Variants in MAPK4 observed in about 807,000 individuals in gnomAD.
MAPK4 encodes the protein Erk3-related.
A neutral mutation model predicts 47.7 loss-of-function variants in MAPK4; 22 were observed. The observed-to-expected ratio is 0.46, with a 90% CI of 0.33 to 0.66. The LOEUF (loss-of-function observed/expected upper bound fraction) is 0.66, where lower values mean the gene tolerates loss of function less well. Ranked by LOEUF, MAPK4 falls within the 30% of genes least tolerant of loss-of-function variation. The pLI, the probability that MAPK4 is intolerant of heterozygous loss-of-function variation, is 0.02. For missense variants in MAPK4, 736 were observed against 831.7 expected, an observed-to-expected ratio of 0.88 and a Z score of 1.42; for synonymous variants, 390 against 365.7, an observed-to-expected ratio of 1.07 and a Z score of -0.76.
chr18:50,628,432 G>A (rs1192957709), intron 1 of MAPK4, among the ~76,000 whole-genome samples: 1 of 152,158 alleles, frequency 6.6e-6, no homozygotes, highest in Non-Finnish European at 1.5e-5. Context: ...AGTTTCCATG[G>A]GACTTGCTAG....
intron 2 of MAPK4, among the ~76,000 whole-genome samples, chr18:50,694,917 A>G (rs900417453): frequency 6.6e-5 from 10 of 152,208 alleles, no homozygotes; most frequent in African/African-American, 2.4e-4. Flanking sequence ...GGGAAATTAT[A>G]TTATTACTTC....
At chr18:50,577,799 A>G (rs1207401881) in intron 1 of MAPK4, among the ~76,000 whole-genome samples, 1 of 152,220 alleles carries the variant, frequency 6.6e-6, no homozygotes, top group African/African-American at 2.4e-5. Context: ...CACAGCCTTC[A>G]TTGTGGCTAC....
intron 2 of MAPK4, among the ~76,000 whole-genome samples, chr18:50,672,402 A>C (rs183896190): frequency 6.6e-6 from 1 of 152,282 alleles, no homozygotes; most frequent in Admixed American, 6.5e-5. Context: ...CCTTTTTTAA[A>C]GGGAAAAATA....
At chr18:50,618,605 T>G (rs1568047534) in intron 1 of MAPK4, among the ~76,000 whole-genome samples, 1 of 152,234 alleles carries the variant, frequency 6.6e-6, no homozygotes, top group Non-Finnish European at 1.5e-5. Flanking sequence ...ATCTTTTATT[T>G]GTCTTTACTA....
At chr18:50,583,188 TGA>T (rs1598796048) in intron 1 of MAPK4, among the ~76,000 whole-genome samples, 3 of 152,148 alleles carry the variant, frequency 2.0e-5, no homozygotes, top group African/African-American at 7.2e-5. Context: ...TCTGTGAGGC[TGA>T]GTTTGGGGGT....
At chr18:50,648,937 G>A (rs1288517091) in intron 1 of MAPK4, among the ~76,000 whole-genome samples, 2 of 152,220 alleles carry the variant, frequency 1.3e-5, no homozygotes, top group Non-Finnish European at 2.9e-5. Context: ...GAGCCTGGAT[G>A]AGGGTAGACT....
intron 1 of MAPK4, among the ~76,000 whole-genome samples, chr18:50,630,624 G>T (rs1405443977): frequency 6.6e-6 from 1 of 152,250 alleles, no homozygotes; most frequent in African/African-American, 2.4e-5. Context: ...ATCCTTCAAG[G>T]TCCTAACTAA....
intron 2 of MAPK4, among the ~76,000 whole-genome samples, chr18:50,685,652 A>G (rs980057180): frequency 6.6e-6 from 1 of 152,138 alleles, no homozygotes; most frequent in African/African-American, 2.4e-5. Context: ...GGAGACCAAG[A>G]CCCCAAATTC....
chr18:50,609,250 G>A (rs2042609976), intron 1 of MAPK4, among the ~76,000 whole-genome samples: 2 of 151,820 alleles, frequency 1.3e-5, no homozygotes, highest in Admixed American at 1.3e-4. Context: ...TCCCACACGG[G>A]GTGGCGGCCG....
rs928978020 is a variant in MAPK4 at position 50,651,894 on chromosome 18, G to C, written c.-870-11195G>C. Among the ~76,000 whole-genome samples, 13 of 152,320 alleles carry C rather than the reference G, an allele frequency of 8.5e-5. No individual in the cohort carries two copies. The South Asian group carries it at 2.7e-3, about 32-fold the overall frequency. On this transcript the variant is annotated intron_variant, in intron 1 of 5. Coordinates refer to ENST00000400384, the MANE Select transcript of MAPK4 (RefSeq NM_002747.4). ...TGGTTTCACCTCTTCCCGTGTGAAG[G>C]CCACCCTACTATTGGAGGTGTGTTG...
rs1911398549 is a variant in MAPK4, at chr18:50,729,361, ACGGGCGCTCCTG to A, written c.1274_1285del (p.Gly425_Cys428del). 1 of 1,578,732 alleles carries A rather than the reference ACGGGCGCTCCTG, an allele frequency of 6.3e-7. No individual in the cohort carries two copies. ...ATGGAGCGCGCCTTCGAGGCCGACT[ACGGGCGCTCCTG>A]CGACTACAAGGTGGGGTCGCCGTCC... On this transcript the variant is annotated inframe_deletion, in exon 6 of 6. Coordinates refer to ENST00000400384, the MANE Select transcript of MAPK4 (RefSeq NM_002747.4).
At chr18:50,596,388 G>A (rs73959979) in intron 1 of MAPK4, among the ~76,000 whole-genome samples, 35,323 of 151,964 alleles carry the variant, frequency 0.23, 4,071 homozygotes, top group South Asian at 0.31. Context: ...TCTGTCTCTG[G>A]TTAATCCTCT....
intron 1 of MAPK4, among the ~76,000 whole-genome samples, chr18:50,650,935 C>T (rs2043042181): frequency 6.6e-6 from 1 of 152,198 alleles, no homozygotes; most frequent in South Asian, 2.1e-4. Flanking sequence ...ACGTAGGATG[C>T]CCTGTAAGGT....
chr18:50,696,796 C>A (rs1256769067), intron 2 of MAPK4, among the ~76,000 whole-genome samples: 1 of 152,220 alleles, frequency 6.6e-6, no homozygotes, highest in African/African-American at 2.4e-5. Context: ...GCAGCACACA[C>A]CAACACCAGC....
Position 50,594,972 on chromosome 18 carries a change from A to G in MAPK4, c.-871+34729A>G, listed in dbSNP as rs1015296743. 3.3e-5 allele frequency among the ~76,000 whole-genome samples: 5 copies of G among 152,258 alleles called. No homozygotes were observed. The South Asian group carries it at 8.3e-4, about 25-fold the overall frequency. On this transcript the variant is annotated intron_variant, in intron 1 of 5. Coordinates refer to ENST00000400384, the MANE Select transcript of MAPK4 (RefSeq NM_002747.4). ...AGTCAAGGATTTAACATCATTTGTC[A>G]TAAGGGAAATATAAATGAAAACCAC...
At chr18:50,630,334 G>T (rs780058060) in intron 1 of MAPK4, among the ~76,000 whole-genome samples, 2 of 152,114 alleles carry the variant, frequency 1.3e-5, no homozygotes, top group Admixed American at 1.3e-4. Context: ...GATTACAGGC[G>T]TGCACCACCA....
intron 1 of MAPK4, among the ~76,000 whole-genome samples, chr18:50,631,019 C>T (rs988442915): frequency 2.0e-5 from 3 of 152,208 alleles, no homozygotes; most frequent in Admixed American, 2.0e-4. Context: ...CAAACCAGCA[C>T]TCACAGTCCT....
At chr18:50,700,327 T>G (rs1325614628) in intron 2 of MAPK4, among the ~76,000 whole-genome samples, 1 of 152,236 alleles carries the variant, frequency 6.6e-6, no homozygotes, top group African/African-American at 2.4e-5. Context: ...TTCTTTATGA[T>G]GTATCAGGCA....
At chr18:50,722,276 T>G (rs980003369) in intron 4 of MAPK4, among the ~76,000 whole-genome samples, 177 bp downstream of exon 4, 1 of 152,276 alleles carries the variant, frequency 6.6e-6, no homozygotes, top group African/African-American at 2.4e-5. Context: ...CTGTGGATGC[T>G]GGGCCTCAGG....
Sources: allele counts gnomAD v4.1 joint callset (sites outside exome capture counted in the v4.1 genomes callset), GRCh38; gene constraint gnomAD v4.1.1; transcripts MANE v1.5; gene names NCBI Gene and HGNC (gene_info 2026-07-23, HGNC 2026-07-21).